TNIK: variants seen among roughly 807,000 people sequenced by gnomAD.
TNIK encodes the protein TRAF2 and NCK-interacting protein kinase.
Under a neutral mutation model 191.3 loss-of-function variants are expected in TNIK, and 49 were observed. The observed-to-expected ratio is 0.26, with a 90% CI of 0.20 to 0.32. The LOEUF is 0.32. TNIK is among the 10% of genes least tolerant of loss of function. The pLI is 1.00. For synonymous variants in TNIK, 594 were observed against 600.9 expected, an observed-to-expected ratio of 0.99 and a Z score of 0.17; for missense variants, 1,155 against 1,702.3, an observed-to-expected ratio of 0.68 and a Z score of 5.66.
chr3:171,128,957 T>A, intron 15 of TNIK, 79 bp from the exon 16 acceptor site: 1 of 1,450,328 alleles, frequency 6.9e-7, no homozygotes, highest in Non-Finnish European at 9.1e-7. Context: ...GGATTTTCTG[T>A]AGTCACCTGC....
intron 1 of TNIK, among the ~76,000 whole-genome samples, chr3:171,376,789 T>C (rs1273941551): frequency 2.0e-5 from 3 of 149,910 alleles, no homozygotes; most frequent in Admixed American, 6.6e-5. Flanking sequence ...GATAGATAGA[T>C]AGATGAGAGA....
intron 3 of TNIK, among the ~76,000 whole-genome samples, chr3:171,218,802 T>C (rs766110647): frequency 1.6e-4 from 23 of 141,506 alleles, no homozygotes; most frequent in Non-Finnish European, 3.2e-4. Context: ...ACATATTATA[T>C]ATTAAATACA....
rs554044217 is a variant in TNIK at position 171,337,993 on chromosome 3, G to A, written c.123+31627C>T. On this transcript the variant is annotated intron_variant, in intron 2 of 32. Transcript: ENST00000436636. ...AAGGGAGAGAAGCTGTTCTAACCAC[G>A]ATTGAAGAATGAAGCTATTTAGCAG... is the stretch of plus-strand genomic sequence containing the variant. Among the ~76,000 whole-genome samples the A allele has an allele frequency of 5.3e-5, 8 of 152,260 alleles. No individual in the cohort carries two copies. In the South Asian group the frequency reaches 1.2e-3, roughly 24 times the overall value.
At chr3:171,378,626 A>C (rs561467791) in intron 1 of TNIK, among the ~76,000 whole-genome samples, 3 of 152,330 alleles carry the variant, frequency 2.0e-5, no homozygotes, top group Non-Finnish European at 4.4e-5. Flanking sequence ...GAGATATTCA[A>C]TAAATATTAT....
chr3:171,283,979 G>C (rs1365188093), intron 2 of TNIK, among the ~76,000 whole-genome samples: 1 of 152,186 alleles, frequency 6.6e-6, no homozygotes, highest in African/African-American at 2.4e-5. Flanking sequence ...AAGACAATGG[G>C]ATCTCATATC....
intron 16 of TNIK, among the ~76,000 whole-genome samples, chr3:171,127,602 C>T (rs182535436): frequency 2.0e-4 from 31 of 152,040 alleles, no homozygotes; most frequent in Non-Finnish European, 2.8e-4. Context: ...CCAAGGTCAA[C>T]GTTAGGGGTT....
intron 1 of TNIK, among the ~76,000 whole-genome samples, chr3:171,377,435 C>T (rs979827437): frequency 1.3e-5 from 2 of 152,216 alleles, no homozygotes; most frequent in Admixed American, 6.5e-5. Flanking sequence ...CTCACAAAGT[C>T]GGCCTTTAGA....
At chr3:171,423,560 T>C in intron 1 of TNIK, among the ~76,000 whole-genome samples, 1 of 152,158 alleles carries the variant, frequency 6.6e-6, no homozygotes, top group Non-Finnish European at 1.5e-5. Context: ...GCTGGAGGCA[T>C]CACACTACCT....
At chr3:171,094,408 T>A (rs1348744899) in intron 22 of TNIK, among the ~76,000 whole-genome samples, 1 of 152,170 alleles carries the variant, frequency 6.6e-6, no homozygotes, top group African/African-American at 2.4e-5. Flanking sequence ...AGTGCTGGGA[T>A]TATAGGCGTG....
rs1189911395 is a variant in TNIK, at chr3:171,269,062, CA to C, written c.124-40842del. Among the ~76,000 whole-genome samples, 4 of 152,020 alleles carry C rather than the reference CA, an allele frequency of 2.6e-5. No individual in the cohort carries two copies. The East Asian group carries it at 7.7e-4, about 29-fold the overall frequency. ...AAGTTTTCCTATTGACATCTCAATA[CA>C]AAAATATTCAGGATTATTCAAAGCT... is the stretch of plus-strand genomic sequence containing the variant. On this transcript the variant is annotated intron_variant, in intron 2 of 32. Transcript: ENST00000436636.
intron 2 of TNIK, among the ~76,000 whole-genome samples, chr3:171,252,239 C>A (rs1259413826): frequency 6.6e-6 from 1 of 152,120 alleles, no homozygotes; most frequent in Non-Finnish European, 1.5e-5. Context: ...TTAGTTACAA[C>A]CTGTTGGGCA....
chr3:171,131,960 C>CA (rs1436412762), intron 15 of TNIK, among the ~76,000 whole-genome samples: 1 of 151,926 alleles, frequency 6.6e-6, no homozygotes. Context: ...ATATGTGAGA[C>CA]AAAAAAAGAA....
intron 12 of TNIK, among the ~76,000 whole-genome samples, chr3:171,153,882 G>A (rs1480591868): frequency 6.6e-6 from 1 of 151,140 alleles, no homozygotes; most frequent in Non-Finnish European, 1.5e-5. Flanking sequence ...CCTCCACCAC[G>A]GCAGTCATTG....
chr3:171,453,575 G>C (rs1728448621), intron 1 of TNIK, among the ~76,000 whole-genome samples: 1 of 152,170 alleles, frequency 6.6e-6, no homozygotes, highest in Admixed American at 6.5e-5. Context: ...AGGAGACAGA[G>C]AAGGCCTTGA....
At chr3:171,118,890 A>C (rs893454386) in intron 18 of TNIK, among the ~76,000 whole-genome samples, 5 of 152,234 alleles carry the variant, frequency 3.3e-5, no homozygotes, top group African/African-American at 1.2e-4. Flanking sequence ...CAAGGACTTC[A>C]TGTCTAAAAC....
intron 7 of TNIK, among the ~76,000 whole-genome samples, chr3:171,188,201 A>G (rs1577070957): frequency 6.6e-6 from 1 of 152,352 alleles, no homozygotes; most frequent in African/African-American, 2.4e-5. Context: ...ACACGACAGA[A>G]ATACCATAAA....
chr3:171,387,259 G>A (rs1006835470), intron 1 of TNIK, among the ~76,000 whole-genome samples: 2 of 152,210 alleles, frequency 1.3e-5, no homozygotes, highest in African/African-American at 2.4e-5. Flanking sequence ...GCCTACTTGA[G>A]AGGCAGTAGA....
At chr3:171,221,927 A>G (rs1469807911) in intron 3 of TNIK, among the ~76,000 whole-genome samples, 1 of 152,188 alleles carries the variant, frequency 6.6e-6, no homozygotes, top group Non-Finnish European at 1.5e-5. Flanking sequence ...AATGCACACT[A>G]AAATCTTTTC....
chr3:171,160,583 G>T (rs1003241341), intron 11 of TNIK, among the ~76,000 whole-genome samples: 1 of 151,750 alleles, frequency 6.6e-6, no homozygotes, highest in Non-Finnish European at 1.5e-5. Context: ...AGCTGAATTC[G>T]CTCACCAAAG....
Sources: gnomAD v4.1 joint callset for allele counts (sites outside exome capture counted in the v4.1 genomes callset) on GRCh38, gnomAD v4.1.1 for gene constraint, MANE v1.5 for transcripts, NCBI Gene and HGNC (gene_info 2026-07-23, HGNC 2026-07-21) for gene names.